Variants in EXOC6 observed in about 807,000 individuals in gnomAD.
EXOC6 encodes SEC15-like 1.
Under a neutral mutation model 112.5 loss-of-function variants are expected in EXOC6, and 60 were observed. That is an observed-to-expected ratio of 0.53 (90% CI 0.43 to 0.66). The LOEUF (loss-of-function observed/expected upper bound fraction) is 0.66, where lower values mean the gene tolerates loss of function less well. EXOC6 is among the 30% of genes least tolerant of loss of function. The pLI, the probability that EXOC6 is intolerant of heterozygous loss-of-function variation, is 0.00. For missense variants in EXOC6, 855 were observed against 957.1 expected (o/e 0.89, Z 1.41); for synonymous variants, 295 against 308.0 (o/e 0.96, Z 0.44).
chr10:92,910,695 C>CT, intron 6 of EXOC6, among the ~76,000 whole-genome samples: 1 of 152,052 alleles, frequency 6.6e-6, no homozygotes, highest in Non-Finnish European at 1.5e-5. Flanking sequence ...CTTTGGGAGG[C>CT]AAGGCGGGCA....
intron 19 of EXOC6, among the ~76,000 whole-genome samples, chr10:93,000,907 C>T (rs1032534369): frequency 4.2e-4 from 64 of 152,094 alleles, no homozygotes; most frequent in African/African-American, 1.4e-3. Context: ...ATATATAAAT[C>T]GTTTAAAAAA....
In EXOC6 at chr10:92,848,644, T is replaced by C. The variant is rs1847161601; in HGVS notation, c.101+10T>C. ...TGGGGCCCACCCTCCGGTAAAGATCTCATCCCACCGGGACTTCGGCCCCCC... is the reference window on the plus strand; with the variant it reads ...TGGGGCCCACCCTCCGGTAAAGATCCCATCCCACCGGGACTTCGGCCCCCC... On this transcript the variant is annotated intron_variant, in intron 1 of 21. Transcript: ENST00000260762. 1 of 1,384,290 alleles carries C rather than the reference T, an allele frequency of 7.2e-7. No individual in the cohort carries two copies. The highest frequency in any genetic ancestry group is 9.5e-7 in the Non-Finnish European group (1 of 1,048,078). The allele number at this position is 1,384,290 out of a possible 1,614,324, so 85.8% of individuals were successfully genotyped here. A position where few individuals can be genotyped will look rare whatever the true frequency, so the allele number is the denominator to read the frequency against.
intron 5 of EXOC6, chr10:92,901,102 C>A (rs1043158696): frequency 2.6e-5 from 4 of 152,092 alleles, no homozygotes; most frequent in African/African-American, 7.2e-5. Context: ...ATAAGTGATA[C>A]CTCACATTGC....
upstream of EXOC6, among the ~76,000 whole-genome samples, chr10:92,847,369 T>C (rs1396149579): frequency 6.6e-6 from 1 of 152,236 alleles, no homozygotes; most frequent in Non-Finnish European, 1.5e-5. Context: ...CTTCGGACAC[T>C]GGTCTTCAGA....
chr10:93,025,415 G>GC (rs1844981473), intron 20 of EXOC6, among the ~76,000 whole-genome samples: 1 of 152,130 alleles, frequency 6.6e-6, no homozygotes, highest in Admixed American at 6.5e-5. Context: ...CATATGAGAA[G>GC]CCATTTTTAA....
At chr10:93,008,190 A>G (rs896583919) in intron 19 of EXOC6, among the ~76,000 whole-genome samples, 1 of 152,196 alleles carries the variant, frequency 6.6e-6, no homozygotes, top group Non-Finnish European at 1.5e-5. Flanking sequence ...AAGAAAAGAA[A>G]AGAAAATTTG....
chr10:92,993,616 C>T (rs939345760), intron 18 of EXOC6, among the ~76,000 whole-genome samples: 2 of 152,126 alleles, frequency 1.3e-5, no homozygotes, highest in African/African-American at 4.8e-5. Context: ...ACTTTCAAAA[C>T]AAACCAGTTT....
intron 1 of EXOC6, among the ~76,000 whole-genome samples, chr10:92,849,847 GT>G (rs928329266): frequency 1.3e-4 from 20 of 152,242 alleles, no homozygotes; most frequent in Admixed American, 8.5e-4. Flanking sequence ...GGAGGGGAGA[GT>G]ATTCAGATGC....
At chr10:93,006,637 C>T (rs1843997798) in intron 19 of EXOC6, among the ~76,000 whole-genome samples, 1 of 152,116 alleles carries the variant, frequency 6.6e-6, no homozygotes, top group African/African-American at 2.4e-5. Context: ...CCAGAAAAAC[C>T]ACTAGATGGT....
chr10:92,954,028 C>A (rs1332198367), intron 15 of EXOC6, among the ~76,000 whole-genome samples: 1 of 152,090 alleles, frequency 6.6e-6, no homozygotes, highest in African/African-American at 2.4e-5. Context: ...CGTCTGTAAT[C>A]CCAGCACTTT....
chr10:92,981,220 A>G (rs1322061937), intron 18 of EXOC6, among the ~76,000 whole-genome samples: 1 of 152,214 alleles, frequency 6.6e-6, no homozygotes, highest in Non-Finnish European at 1.5e-5. Flanking sequence ...TTCATCACTG[A>G]CATGAATATA....
At chr10:92,924,215 T>G (rs1377515173) in intron 8 of EXOC6, among the ~76,000 whole-genome samples, 2 of 152,154 alleles carry the variant, frequency 1.3e-5, no homozygotes, top group Non-Finnish European at 2.9e-5. Flanking sequence ...CACAGAGAAT[T>G]TTGATTGCTA....
At chr10:92,933,453 G>A (rs1320363292) in intron 9 of EXOC6, among the ~76,000 whole-genome samples, 2 of 152,108 alleles carry the variant, frequency 1.3e-5, no homozygotes, top group African/African-American at 4.8e-5. Flanking sequence ...AGCATTTGGT[G>A]ACATGTAGAC....
chr10:92,925,716 GTGGTGAGATCATAGCTCAC>G (rs1851676394), intron 8 of EXOC6, among the ~76,000 whole-genome samples: 1 of 152,138 alleles, frequency 6.6e-6, no homozygotes, highest in Admixed American at 6.6e-5. Context: ...CTGGAGTGCA[GTGGTGAGATCATAGCTCAC>G]TGCTGCTTTG....
chr10:93,011,581 AG>A (rs1844250087), intron 19 of EXOC6, among the ~76,000 whole-genome samples: 1 of 152,218 alleles, frequency 6.6e-6, no homozygotes, highest in Admixed American at 6.5e-5. Flanking sequence ...ATTTTTTTAA[AG>A]TTAGAAAACA....
intron 20 of EXOC6, among the ~76,000 whole-genome samples, chr10:93,029,171 T>A (rs1845159659): frequency 6.6e-6 from 1 of 152,206 alleles, no homozygotes; most frequent in Non-Finnish European, 1.5e-5. Context: ...CATTAGCATT[T>A]TTTTTGTAGT....
At chr10:92,899,931 T>C (rs559496044) in intron 5 of EXOC6, 1 of 290,096 alleles carries the variant, frequency 3.4e-6, no homozygotes, top group South Asian at 6.5e-5. Context: ...ATACTAATAT[T>C]GCATGTAACT....
chr10:93,040,805 T>C (rs1366472165), intron 20 of EXOC6, among the ~76,000 whole-genome samples: 1 of 152,220 alleles, frequency 6.6e-6, no homozygotes, highest in Admixed American at 6.5e-5. Context: ...TCATGTTCTC[T>C]TTAAAATTCT....
intron 20 of EXOC6, among the ~76,000 whole-genome samples, chr10:93,046,612 TA>T (rs1317575613): frequency 4.0e-5 from 6 of 151,424 alleles, no homozygotes; most frequent in Admixed American, 6.6e-5. Context: ...TTTTTTTTTT[TA>T]TGAGACCGAG....
Sources: gnomAD v4.1 joint callset for allele counts (sites outside exome capture counted in the v4.1 genomes callset) on GRCh38, gnomAD v4.1.1 for gene constraint, MANE v1.5 for transcripts, NCBI Gene and HGNC (gene_info 2026-07-23, HGNC 2026-07-21) for gene names.